The following CD86 variants were observed in gnomAD, a reference collection of about 807,000 sequenced individuals.
CD86 encodes CD86 molecule, also known as T-lymphocyte activation antigen CD86.
Under a neutral mutation model 32.1 loss-of-function variants are expected in CD86, and 11 were observed. The ratio of observed to expected loss-of-function variants is 0.34; its 90% confidence interval spans 0.22 to 0.57. CD86 has a LOEUF of 0.57. CD86 is among the 20% of genes least tolerant of loss of function. The probability of loss-of-function intolerance (pLI) is 0.86; values close to 1 mark genes in which losing one functional copy is unlikely to be tolerated. For synonymous variants in CD86, 137 were observed against 135.3 expected (o/e 1.01, Z -0.09); for missense variants, 359 against 398.4 (o/e 0.90, Z 0.84).
At chr3:122,075,658 G>T (rs2072545504) in intron 1 of CD86, among the ~76,000 whole-genome samples, 1 of 152,152 alleles carries the variant, frequency 6.6e-6, no homozygotes, top group Non-Finnish European at 1.5e-5. Flanking sequence ...GTCCCTTACA[G>T]TCCAGCAACT....
intron 3 of CD86, among the ~76,000 whole-genome samples, chr3:122,104,431 T>C (rs1157435380): frequency 6.6e-6 from 1 of 152,216 alleles, no homozygotes; most frequent in Non-Finnish European, 1.5e-5. Flanking sequence ...TCACGAGACC[T>C]TGGAAGGCCT....
At chr3:122,069,043 G>T (rs1468230754) in intron 1 of CD86, among the ~76,000 whole-genome samples, 1 of 152,154 alleles carries the variant, frequency 6.6e-6, no homozygotes, top group African/African-American at 2.4e-5. Flanking sequence ...TCTACCTCAT[G>T]CTCTTAAGAT....
intron 1 of CD86, among the ~76,000 whole-genome samples, chr3:122,088,941 AAATG>A (rs1180158068): frequency 6.6e-6 from 1 of 152,236 alleles, no homozygotes; most frequent in Non-Finnish European, 1.5e-5. Flanking sequence ...TGTCCATCAA[AAATG>A]AATGGATAAA....
At chr3:122,091,820 T>A in intron 2 of CD86, 170 bp downstream of exon 2, 1 of 624,668 alleles carries the variant, frequency 1.6e-6, no homozygotes, top group East Asian at 2.7e-5. Context: ...GTGTTATGAT[T>A]GAGAGCAGCT....
intron 1 of CD86, among the ~76,000 whole-genome samples, chr3:122,073,850 T>G (rs541926263): frequency 6.6e-6 from 1 of 152,354 alleles, no homozygotes; most frequent in South Asian, 2.1e-4. Context: ...CAAGTATATA[T>G]GAAATCATCA....
chr3:122,072,649 G>A (rs910347377), intron 1 of CD86, among the ~76,000 whole-genome samples: 11 of 152,238 alleles, frequency 7.2e-5, no homozygotes, highest in African/African-American at 2.6e-4. Context: ...CAGATGAGTA[G>A]GTTGCAAAAA....
chr3:122,105,579 A>C (rs1424176253), intron 3 of CD86, among the ~76,000 whole-genome samples: 1 of 152,214 alleles, frequency 6.6e-6, no homozygotes, highest in Admixed American at 6.5e-5. Flanking sequence ...GTGTTTATTA[A>C]GATCATGTAT....
At chr3:122,092,644 C>G (rs944792690) in intron 2 of CD86, among the ~76,000 whole-genome samples, 1 of 152,140 alleles carries the variant, frequency 6.6e-6, no homozygotes, top group Non-Finnish European at 1.5e-5. Flanking sequence ...CTCAGTGTCT[C>G]GTAGTTACTC....
At position 122,055,516 on chromosome 3, in the gene CD86, T is replaced by A. The variant is rs369658926; in HGVS notation, c.14+13T>A. ...TGGATCCCCAGTGGTGAGTAATAAT[T>A]CTTATTCTTTGCAGAGAAGTTATGA... is the stretch of plus-strand genomic sequence containing the variant. On this transcript the variant is annotated intron_variant, in intron 1 of 6. Transcript: ENST00000330540. The A allele has an allele frequency of 2.2e-4, 354 of 1,613,656 alleles. No homozygotes were observed. The highest frequency in any genetic ancestry group is 2.8e-4 in the Non-Finnish European group (332 of 1,179,568).
chr3:122,104,424 C>T (rs904895743), intron 3 of CD86, among the ~76,000 whole-genome samples: 1 of 152,196 alleles, frequency 6.6e-6, no homozygotes, highest in African/African-American at 2.4e-5. Context: ...CTCTGCTTCA[C>T]GAGACCTTGG....
intron 2 of CD86, among the ~76,000 whole-genome samples, chr3:122,096,356 T>C (rs1355258560): frequency 1.3e-5 from 2 of 152,184 alleles, no homozygotes; most frequent in East Asian, 1.9e-4. Flanking sequence ...ATTATAGGCA[T>C]GGCCTATCTA....
intron 2 of CD86, among the ~76,000 whole-genome samples, chr3:122,093,383 T>C (rs1341949733): frequency 6.6e-6 from 1 of 152,150 alleles, no homozygotes; most frequent in East Asian, 1.9e-4. Flanking sequence ...ACAACAGGGG[T>C]ACGTTCTGAG....
chr3:122,106,616 G>A (rs762353335), intron 4 of CD86, 116 bp downstream of exon 4: 54 of 909,052 alleles, frequency 5.9e-5, no homozygotes, highest in South Asian at 1.5e-4. Context: ...ATTTTATGAC[G>A]CTGTTAGGAA....
chr3:122,057,473 G>A (rs577371348), intron 1 of CD86, among the ~76,000 whole-genome samples: 14 of 152,202 alleles, frequency 9.2e-5, no homozygotes, highest in African/African-American at 2.6e-4. Context: ...AATGCAGAAC[G>A]AACAGTGCTA....
chr3:122,082,138 G>A (rs1195748574), intron 1 of CD86, among the ~76,000 whole-genome samples: 3 of 152,136 alleles, frequency 2.0e-5, no homozygotes, highest in Non-Finnish European at 2.9e-5. Context: ...TCTCTTCTGT[G>A]TTATCACCCC....
chr3:122,086,492 T>C, intron 1 of CD86: 3 of 437,964 alleles, frequency 6.8e-6, no homozygotes, highest in South Asian at 1.6e-5. Flanking sequence ...TACCCCTTCT[T>C]AGTTCCTTCC....
chr3:122,086,819 C>T (rs998740703), intron 1 of CD86, among the ~76,000 whole-genome samples: 2 of 152,202 alleles, frequency 1.3e-5, no homozygotes, highest in African/African-American at 4.8e-5. Context: ...GGCTGTGCTG[C>T]TCCCGTCTGT....
chr3:122,080,840 G>T (rs1357624306), intron 1 of CD86, among the ~76,000 whole-genome samples: 1 of 152,142 alleles, frequency 6.6e-6, no homozygotes. Context: ...TCCACCTCCA[G>T]TCATGTCCTC....
At chr3:122,056,757 G>T (rs1004528207) in intron 1 of CD86, among the ~76,000 whole-genome samples, 2 of 152,180 alleles carry the variant, frequency 1.3e-5, no homozygotes, top group African/African-American at 2.4e-5. Flanking sequence ...TAATTTTCCA[G>T]TAAAGATTCC....
Sources: allele counts gnomAD v4.1 joint callset (sites outside exome capture counted in the v4.1 genomes callset), GRCh38; gene constraint gnomAD v4.1.1; transcripts MANE v1.5; gene names NCBI Gene and HGNC (gene_info 2026-07-23, HGNC 2026-07-21).